Variants in SFSWAP observed in about 807,000 individuals in gnomAD.
The protein encoded by SFSWAP is splicing factor, suppressor of white-apricot homolog.
SFSWAP carries 17 observed loss-of-function variants against 100.7 expected under a neutral mutation model. That is an observed-to-expected ratio of 0.17 (90% confidence interval 0.12 to 0.25). The LOEUF is 0.25. SFSWAP is among the 10% of genes least tolerant of loss of function. The probability of loss-of-function intolerance (pLI) is 1.00; values close to 1 mark genes in which losing one functional copy is unlikely to be tolerated. For missense variants in SFSWAP, 1,005 were observed against 1,262.6 expected (o/e 0.80, Z 3.09); for synonymous variants, 504 against 510.1 (o/e 0.99, Z 0.16).
chr12:131,783,792 T>TTTTTTATATATATATA (rs1312028614), intron 14 of SFSWAP: 1 of 86,684 alleles, frequency 1.2e-5, no homozygotes, highest in East Asian at 5.6e-4. Context: ...AAAAAACATT[T>TTTTTTATATATATATA]TATATATATA....
In SFSWAP at chr12:131,794,016, T is replaced by C. The variant is rs1885460051; in HGVS notation, c.2535-3162T>C. 1.3e-5 allele frequency among the ~76,000 whole-genome samples: 2 copies of C among 152,218 alleles called. 1 individual carries two copies. The highest frequency in any genetic ancestry group is 4.1e-4 in the South Asian group (2 of 4,836). The stretch of plus-strand genomic sequence containing the variant: ...TACACACCTACTCCCTGACCAGCTG[T>C]CCTGTTCCTAGCTGTGAACTCCTCT... On this transcript the variant is annotated intron_variant, in intron 15 of 17. Coordinates refer to ENST00000261674, the MANE Select transcript of SFSWAP (RefSeq NM_004592.4). The surrounding 1 kb of genome is among the most constrained non-coding windows in gnomAD (Gnocchi z 4.8).
chr12:131,785,104 GA>G (rs1162326091), intron 14 of SFSWAP: 1 of 1,535,652 alleles, frequency 6.5e-7, no homozygotes, highest in East Asian at 2.4e-5. Context: ...GCTGCGCGCG[GA>G]GCCCTGTCAG....
chr12:131,728,438 C>T lies in SFSWAP; in HGVS notation c.1081+10C>T, dbSNP rs1279885591. ...GAGTACACGGCAGACTGTGAGTACT[C>T]ACTGTGTATGTCCTGACCTGTGTTC... On this transcript the variant is annotated intron_variant, in intron 7 of 17. Transcript: ENST00000261674. 1 of 1,613,716 alleles carries T rather than the reference C, an allele frequency of 6.2e-7. No homozygotes were observed. Among genetic ancestry groups the T allele is most frequent in the Non-Finnish European group, 8.5e-7 (1 of 1,179,802 alleles).
At position 131,756,589 on chromosome 12, in the gene SFSWAP, C is replaced by A; in HGVS notation, c.1665C>A (p.Gly555=). The change falls in exon 11 of 18, where the codon GGC becomes GGA. Residue 555 remains glycine, a synonymous_variant. Transcript: ENST00000261674. Reference sequence around the variant, plus strand: ...AGGTGGGAGCACGGGCAGGCTCAGGCGGGAAGAAGGAGGCATCGTCCAGTA... The same window carrying A: ...AGGTGGGAGCACGGGCAGGCTCAGGAGGGAAGAAGGAGGCATCGTCCAGTA... ...AAEVGARAGS[G]GKKEASSSKT... 1 of 1,612,640 alleles carries A rather than the reference C, an allele frequency of 6.2e-7. No homozygotes were observed. Among genetic ancestry groups the A allele is most frequent in the Non-Finnish European group, 8.5e-7 (1 of 1,179,556 alleles).
At chr12:131,726,330 C>T (rs186886316) in intron 5 of SFSWAP, among the ~76,000 whole-genome samples, 1 of 152,214 alleles carries the variant, frequency 6.6e-6, no homozygotes, top group Admixed American at 6.5e-5. Flanking sequence ...ATGCCTCAGC[C>T]TCCCGAGTAG....
intron 13 of SFSWAP, among the ~76,000 whole-genome samples, chr12:131,775,693 G>A (rs1883963402): frequency 6.6e-6 from 1 of 152,162 alleles, no homozygotes; most frequent in South Asian, 2.1e-4. Context: ...GGATCATTTA[G>A]CATTGCTTGT....
rs889129259 is a variant in SFSWAP at position 131,778,363 on chromosome 12, C to T, written c.2408+33C>T. 2.5e-6 allele frequency: 4 copies of T among 1,598,868 alleles called. No individual in the cohort carries two copies. In the African/African-American group the frequency reaches 5.4e-5, roughly 22 times the overall value. ...TGAAGGGGGCAGCACCTCTGGTACC[C>T]TCATGACCCCCATGTCCTTCACAGG... On this transcript the variant is annotated intron_variant, in intron 14 of 17. Coordinates refer to ENST00000261674, the MANE Select transcript of SFSWAP (RefSeq NM_004592.4). This position sits in a 1 kb window ranked among gnomAD's most constrained non-coding sequence, Gnocchi z 4.2.
intron 10 of SFSWAP, 140 bp from the exon 11 acceptor site, chr12:131,756,333 G>A (rs1882152941): frequency 2.9e-6 from 2 of 687,606 alleles, no homozygotes; most frequent in Non-Finnish European, 2.5e-6. Flanking sequence ...ATCTGGATTT[G>A]GAAGTCTGTT....
intron 7 of SFSWAP, among the ~76,000 whole-genome samples, chr12:131,735,893 C>CAA (rs1879970634): frequency 1.3e-5 from 2 of 152,246 alleles, no homozygotes; most frequent in Non-Finnish European, 2.9e-5. Context: ...ATCTCTCACT[C>CAA]AAATTTTATG....
chr12:131,767,665 TAAA>T (rs1883225300), intron 13 of SFSWAP, among the ~76,000 whole-genome samples: 1 of 152,370 alleles, frequency 6.6e-6, no homozygotes, highest in Admixed American at 6.5e-5. Flanking sequence ...CAAGAACACT[TAAA>T]AATCATTTTA....
intron 15 of SFSWAP, among the ~76,000 whole-genome samples, chr12:131,795,244 C>T (rs952442529): frequency 4.6e-5 from 7 of 152,188 alleles, no homozygotes; most frequent in South Asian, 2.1e-4. Context: ...AAGCTGCCAG[C>T]GAGCACCGTC....
chr12:131,756,767 G>A, intron 11 of SFSWAP, 123 bp downstream of exon 11: 1 of 825,780 alleles, frequency 1.2e-6, no homozygotes, highest in Non-Finnish European at 1.8e-6. Flanking sequence ...CGGCCCCCTG[G>A]AGGTTGCTGT....
intron 7 of SFSWAP, among the ~76,000 whole-genome samples, chr12:131,745,754 C>CTT (rs543730565): frequency 8.9e-5 from 11 of 123,662 alleles, no homozygotes; most frequent in South Asian, 2.6e-4. Flanking sequence ...TTTAGTAAGG[C>CTT]TTTTTTTTTT....
rs767729023 is a variant in SFSWAP, at chr12:131,726,986, T to C, written c.879T>C (p.Asp293=). Residue 293 remains aspartate, a synonymous_variant, in exon 6 of 18, where the codon GAT becomes GAC. Coordinates refer to ENST00000261674, the MANE Select transcript of SFSWAP (RefSeq NM_004592.4). ...ATGAAGATGATGATGATGAAGAAGA[T>C]GGGAATTACCTTCATCCCTCTCTCT... ...SDNEDDDDEE[D]GNYLHPSLFA... is the part of the protein sequence containing the mutation. 8.5e-5 allele frequency: 137 copies of C among 1,608,318 alleles called. No individual in the cohort carries two copies. Among genetic ancestry groups the C allele is most frequent in the Non-Finnish European group, 1.1e-4 (132 of 1,177,446 alleles).
At position 131,797,311 on chromosome 12, in the gene SFSWAP, G is replaced by A. The variant is rs1230615805; in HGVS notation, c.2668G>A (p.Ala890Thr). Residue 890 changes from alanine (A) to threonine (T), a missense_variant, in exon 16 of 18, where the codon GCC (alanine) becomes ACC (threonine). Coordinates refer to ENST00000261674, the MANE Select transcript of SFSWAP (RefSeq NM_004592.4). Reference sequence around the variant, plus strand: ...CCCCGCGGCCCACTCGGCGCACTCAGCCAGCGTCTCCCCTGTGGAGAGTCG... The same window carrying A: ...CCCCGCGGCCCACTCGGCGCACTCAACCAGCGTCTCCCCTGTGGAGAGTCG... ...AAPAAHSAHS[A>T]SVSPVESRGS... 2 of 1,611,354 alleles carry A rather than the reference G, an allele frequency of 1.2e-6. No homozygotes were observed. Among genetic ancestry groups the A allele is most frequent in the Admixed American group, 3.3e-5 (2 of 59,898 alleles).
In SFSWAP at chr12:131,730,971, T is replaced by TA. The variant is rs1879446277; in HGVS notation, c.1081+2544dup. Among the ~76,000 whole-genome samples, 1 of 152,156 alleles carries TA rather than the reference T, an allele frequency of 6.6e-6. No homozygotes were observed. The highest frequency in any genetic ancestry group is 1.5e-5 in the Non-Finnish European group (1 of 68,032). ...TGTTAGGGTCTGTGGGTTTTAGACA[T>TA]ATGCTCCTGCATCAGCCATAGGGGT... On this transcript the variant is annotated intron_variant, in intron 7 of 17. Transcript: ENST00000261674. The surrounding 1 kb of genome is among the most constrained non-coding windows in gnomAD (Gnocchi z 4.0).
chr12:131,714,774 C>A lies in SFSWAP; in HGVS notation c.389-48C>A, dbSNP rs761442722. The A allele has an allele frequency of 4.1e-5, 63 of 1,552,902 alleles. No homozygotes were observed. The highest frequency in any genetic ancestry group is 5.5e-5 in the Non-Finnish European group (62 of 1,128,762). On this transcript the variant is annotated intron_variant, in intron 2 of 17. Transcript: ENST00000261674. The surrounding 1 kb of genome is among the most constrained non-coding windows in gnomAD (Gnocchi z 6.0). ...AACTTTAGAAATATATAAAGTTTTT[C>A]TCAGTAATTTTCTATTTTTGTTGAT...
In SFSWAP at chr12:131,739,033, C is replaced by T. The variant is rs138500666; in HGVS notation, c.1081+10605C>T. 6.3e-4 allele frequency among the ~76,000 whole-genome samples: 95 copies of T among 151,688 alleles called. 1 individual carries two copies. The highest frequency in any genetic ancestry group is 2.2e-3 in the African/African-American group (91 of 41,440). On this transcript the variant is annotated intron_variant, in intron 7 of 17. Transcript: ENST00000261674. ...CAGCTGGGACCACAGGCATGTGCCA[C>T]CACACCTGGCTGACTTTTTAGATAA...
At position 131,714,100 on chromosome 12, in the gene SFSWAP, TTTCTGAGTACGATGCTGAGTA is replaced by T. The variant is rs1213935304; in HGVS notation, c.252_272del (p.Glu85_Ser91del). On this transcript the variant is annotated inframe_deletion, in exon 2 of 18. Transcript: ENST00000261674. The surrounding 1 kb of genome is among the most constrained non-coding windows in gnomAD (Gnocchi z 6.0). The stretch of plus-strand genomic sequence containing the variant: ...GATGGACGTGGTCACCTGCATGACC[TTTCTGAGTACGATGCTGAGTA>T]TTCCACGTGGAACAGAGATTATCAG... 6.2e-7 allele frequency: 1 copy of T among 1,613,788 alleles called. No individual in the cohort carries two copies. The highest frequency in any genetic ancestry group is 8.5e-7 in the Non-Finnish European group (1 of 1,179,934).
Sources: allele counts gnomAD v4.1 joint callset (sites outside exome capture counted in the v4.1 genomes callset), GRCh38; gene constraint gnomAD v4.1.1; non-coding constraint Gnocchi (gnomAD v3.1); transcripts MANE v1.5; gene names NCBI Gene and HGNC (gene_info 2026-07-23, HGNC 2026-07-21).